The following NHS variants were observed in gnomAD, a reference collection of about 807,000 sequenced individuals.
The protein encoded by NHS is NHS actin remodeling regulator.
In NHS, 5 loss-of-function variants were observed where a neutral mutation model predicts 72.5. That is an observed-to-expected ratio of 0.07 (90% CI 0.04 to 0.14). The LOEUF (loss-of-function observed/expected upper bound fraction) is 0.14. Among genes scored for constraint, NHS ranks in the 10% least tolerant of loss-of-function variants. NHS has a pLI of 1.00. For missense variants in NHS, 1,072 were observed against 1,355.7 expected (o/e 0.79, Z 3.29); for synonymous variants, 464 against 547.7 (o/e 0.85, Z 2.13).
Position 17,440,305 on chromosome X carries a change from C to T in NHS, c.565+63983C>T, listed in dbSNP as rs546620606. 3.4e-5 allele frequency among the ~76,000 whole-genome samples: 3 copies of T among 88,084 alleles called. No individual in the cohort carries two copies. In the Admixed American group the frequency reaches 3.8e-4, roughly 11 times the overall value. 76.5% of individuals were successfully genotyped at this position (88,084 alleles called of 115,157 possible). On this transcript the variant is annotated intron_variant, in intron 1 of 8. Transcript: ENST00000676302. ...AAAAAAGGAAACCAGTTTAATGATA[C>T]AGTAACCAGTAACTACTTTCACCAT...
At chrX:17,376,372 C>T in intron 1 of NHS, 50 bp downstream of exon 1, 1 of 1,054,874 alleles carries the variant, frequency 9.5e-7, no homozygotes, top group Non-Finnish European at 1.3e-6. Flanking sequence ...CTGCGCCGCA[C>T]CCTCGCGCCC....
intron 4 of NHS, among the ~76,000 whole-genome samples, chrX:17,721,020 T>C (rs1378457790): frequency 8.9e-6 from 1 of 112,440 alleles, no homozygotes; most frequent in East Asian, 2.8e-4. Context: ...CCAGGTTTTC[T>C]GAACCTTTTC....
At chrX:17,556,458 C>T (rs2065373976) in intron 1 of NHS, among the ~76,000 whole-genome samples, 2 of 104,577 alleles carry the variant, frequency 1.9e-5, no homozygotes, top group African/African-American at 8.5e-5. Flanking sequence ...TTAAGTCCAT[C>T]ACAAAGATGA....
At chrX:17,684,590 G>A (rs1055158683) in intron 1 of NHS, among the ~76,000 whole-genome samples, 3 of 112,007 alleles carry the variant, frequency 2.7e-5, no homozygotes, top group African/African-American at 6.5e-5. Flanking sequence ...TCCACAACAC[G>A]ACAGTTTGCT....
intron 1 of NHS, among the ~76,000 whole-genome samples, chrX:17,452,498 T>TTTTTG (rs2064809738): frequency 9.2e-6 from 1 of 109,093 alleles, no homozygotes; most frequent in African/African-American, 3.4e-5. Flanking sequence ...TGTGTTTTTT[T>TTTTTG]TTTTTGTTTT....
chrX:17,434,139 T>C (rs969109539), intron 1 of NHS, among the ~76,000 whole-genome samples: 1 of 111,651 alleles, frequency 9.0e-6, no homozygotes, highest in African/African-American at 3.3e-5. Context: ...GGGCTTTGCC[T>C]GGAAATGGCA....
chrX:17,576,212 AG>A (rs1187667841), intron 1 of NHS, among the ~76,000 whole-genome samples: 1 of 112,039 alleles, frequency 8.9e-6, no homozygotes, highest in Non-Finnish European at 1.9e-5. Context: ...ACAGATAATC[AG>A]TCATGTATAT....
chrX:17,700,713 A>AT (rs921375117), intron 3 of NHS, among the ~76,000 whole-genome samples: 2 of 111,687 alleles, frequency 1.8e-5, no homozygotes, highest in African/African-American at 6.5e-5. Flanking sequence ...GAAAAAGGTT[A>AT]TTTTTTTCAG....
At position 17,553,296 on chromosome X, in the gene NHS, G is replaced by C. The variant is rs777522950; in HGVS notation, c.566-134446G>C. Among the ~76,000 whole-genome samples, 78 of 112,953 alleles carry C rather than the reference G, an allele frequency of 6.9e-4. 1 individual carries two copies. The highest frequency in any genetic ancestry group is 1.3e-3 in the Non-Finnish European group (71 of 53,338). ...AGGCCCTGCCCTCCCAGTGGGAGGTGTGGAGAGCTGGCAATGAGATGGTTA... is the reference window on the plus strand; with the variant it reads ...AGGCCCTGCCCTCCCAGTGGGAGGTCTGGAGAGCTGGCAATGAGATGGTTA... On this transcript the variant is annotated intron_variant, in intron 1 of 8. Coordinates refer to ENST00000676302, the MANE Select transcript of NHS (RefSeq NM_001291867.2).
intron 1 of NHS, among the ~76,000 whole-genome samples, chrX:17,382,828 C>T (rs1391366823): frequency 1.8e-5 from 2 of 112,272 alleles, no homozygotes; most frequent in Non-Finnish European, 3.8e-5. Context: ...CTACTTACTG[C>T]AAACTCCTGT....
At chrX:17,625,223 AGAC>A (rs2065792639) in intron 1 of NHS, among the ~76,000 whole-genome samples, 1 of 111,949 alleles carries the variant, frequency 8.9e-6, no homozygotes, top group Non-Finnish European at 1.9e-5. Context: ...GCTTAATAGA[AGAC>A]TGCTGGATTC....
rs188502499 is a variant in NHS at position 17,722,850 on chromosome X, C to A, written c.1108+1217C>A. Among the ~76,000 whole-genome samples, 5 of 110,676 alleles carry A rather than the reference C, an allele frequency of 4.5e-5. No homozygotes were observed. In the East Asian group the frequency reaches 1.4e-3, roughly 31 times the overall value. The stretch of plus-strand genomic sequence containing the variant: ...TTTTTCATGGCACTGTAAGTAAAAT[C>A]TCATTTTCAAATTTAGTGCTATGAT... On this transcript the variant is annotated intron_variant, in intron 5 of 8. Transcript: ENST00000676302.
intron 1 of NHS, among the ~76,000 whole-genome samples, chrX:17,423,622 C>G (rs1252605497): frequency 9.0e-6 from 1 of 111,560 alleles, no homozygotes; most frequent in Non-Finnish European, 1.9e-5. Context: ...GGATCCCAGC[C>G]CAGTTTCTGG....
chrX:17,388,208 G>A (rs990330147), intron 1 of NHS, among the ~76,000 whole-genome samples: 1 of 111,982 alleles, frequency 8.9e-6, no homozygotes. Context: ...AGGCCCTTGA[G>A]TTTCATCAGT....
At chrX:17,676,792 T>C (rs1313801506) in intron 1 of NHS, among the ~76,000 whole-genome samples, 2 of 112,416 alleles carry the variant, frequency 1.8e-5, no homozygotes, top group Non-Finnish European at 3.8e-5. Context: ...TCAGTACAGG[T>C]TGCTGAAAAG....
At chrX:17,525,646 T>C (rs1002568315) in intron 1 of NHS, among the ~76,000 whole-genome samples, 1 of 104,516 alleles carries the variant, frequency 9.6e-6, no homozygotes, top group Admixed American at 1.0e-4. Flanking sequence ...TTCTTTTTTT[T>C]TTTTTTTTTT....
intron 1 of NHS, among the ~76,000 whole-genome samples, chrX:17,570,292 C>T (rs1181461432): frequency 8.9e-6 from 1 of 112,269 alleles, no homozygotes; most frequent in East Asian, 2.8e-4. Context: ...TTGATTCTTC[C>T]TATCCATGAG....
intron 1 of NHS, among the ~76,000 whole-genome samples, chrX:17,415,995 A>G (rs1411977376): frequency 3.6e-5 from 4 of 111,249 alleles, no homozygotes; most frequent in Non-Finnish European, 7.5e-5. Context: ...TATGATTTGT[A>G]TTTTCCAACC....
At chrX:17,426,217 A>G (rs754007485) in intron 1 of NHS, among the ~76,000 whole-genome samples, 7 of 111,895 alleles carry the variant, frequency 6.3e-5, no homozygotes, top group Non-Finnish European at 9.4e-5. Flanking sequence ...ATTGGCAAAT[A>G]TGGCAAATAA....
Sources: gnomAD v4.1 joint callset for allele counts (sites outside exome capture counted in the v4.1 genomes callset) on GRCh38, gnomAD v4.1.1 for gene constraint, MANE v1.5 for transcripts, NCBI Gene and HGNC (gene_info 2026-07-23, HGNC 2026-07-21) for gene names.